The following GPR137C variants were observed in gnomAD, a reference collection of about 807,000 sequenced individuals.
GPR137C encodes integral membrane protein GPR137C.
GPR137C carries 27 observed loss-of-function variants against 43.4 expected under a neutral mutation model. The observed-to-expected ratio is 0.62, with a 90% CI of 0.46 to 0.86. The LOEUF (loss-of-function observed/expected upper bound fraction) is 0.86. Among genes scored for constraint, GPR137C ranks in the 40% least tolerant of loss-of-function variants. The probability of loss-of-function intolerance (pLI) is 0.00; values close to 1 mark genes in which losing one functional copy is unlikely to be tolerated. For synonymous variants in GPR137C, 285 were observed against 226.9 expected (o/e 1.26, Z -2.30); for missense variants, 522 against 534.6 (o/e 0.98, Z 0.23).
At chr14:52,614,312 G>A (rs1181128070) in intron 3 of GPR137C, among the ~76,000 whole-genome samples, 1 of 151,508 alleles carries the variant, frequency 6.6e-6, no homozygotes, top group Non-Finnish European at 1.5e-5. Context: ...GTAGAGATAG[G>A]GTTTCACCAT....
chr14:52,605,405 C>A (rs1015727532), intron 3 of GPR137C, among the ~76,000 whole-genome samples: 2 of 152,088 alleles, frequency 1.3e-5, no homozygotes, highest in Admixed American at 6.5e-5. Flanking sequence ...ATTTTGTATC[C>A]TTCAATTTTA....
intron 1 of GPR137C, among the ~76,000 whole-genome samples, chr14:52,568,416 T>G (rs1341739412): frequency 6.6e-6 from 1 of 152,156 alleles, no homozygotes; most frequent in East Asian, 1.9e-4. Flanking sequence ...GGAGTTTTTT[T>G]TTCATACCCC....
chr14:52,570,485 C>G (rs2038448639), intron 1 of GPR137C, among the ~76,000 whole-genome samples: 1 of 152,162 alleles, frequency 6.6e-6, no homozygotes, highest in African/African-American at 2.4e-5. Flanking sequence ...GGATCACATT[C>G]ACACATAGCA....
intron 3 of GPR137C, among the ~76,000 whole-genome samples, chr14:52,601,936 A>G (rs1403081444): frequency 1.3e-5 from 2 of 151,852 alleles, no homozygotes; most frequent in Non-Finnish European, 2.9e-5. Context: ...TTAGAACACC[A>G]TTCCCTTACT....
intron 3 of GPR137C, among the ~76,000 whole-genome samples, chr14:52,601,498 G>GTATA (rs1450171433): frequency 6.1e-4 from 90 of 148,298 alleles, no homozygotes; most frequent in African/African-American, 2.1e-3. Flanking sequence ...GTGTGTGTGT[G>GTATA]TATATATATA....
chr14:52,566,398 T>A (rs150998346), intron 1 of GPR137C, among the ~76,000 whole-genome samples: 1 of 152,236 alleles, frequency 6.6e-6, no homozygotes, highest in African/African-American at 2.4e-5. Flanking sequence ...CTAAGGAGAA[T>A]ATAAACTTTT....
At chr14:52,558,103 C>CAAAA (rs11462333) in intron 1 of GPR137C, among the ~76,000 whole-genome samples, 3 of 121,872 alleles carry the variant, frequency 2.5e-5, no homozygotes, top group East Asian at 4.6e-4. Flanking sequence ...CAGAAACTAC[C>CAAAA]AAAAAAAAAA....
At chr14:52,601,751 C>A (rs1442460407) in intron 3 of GPR137C, among the ~76,000 whole-genome samples, 2 of 151,798 alleles carry the variant, frequency 1.3e-5, no homozygotes, top group African/African-American at 4.8e-5. Flanking sequence ...AGAATTCATA[C>A]CTGTTGCTTG....
chr14:52,584,288 G>A (rs2038685038), intron 1 of GPR137C, among the ~76,000 whole-genome samples: 1 of 152,206 alleles, frequency 6.6e-6, no homozygotes, highest in South Asian at 2.1e-4. Flanking sequence ...TATGTGCTAA[G>A]CTGGATCATG....
At chr14:52,574,588 A>G (rs1227786379) in intron 1 of GPR137C, among the ~76,000 whole-genome samples, 1 of 152,174 alleles carries the variant, frequency 6.6e-6, no homozygotes, top group Non-Finnish European at 1.5e-5. Context: ...GCAGAGGGGT[A>G]GCATTAGGAG....
Position 52,637,292 on chromosome 14 carries a change from G to A in GPR137C, c.*2177G>A, listed in dbSNP as rs571874289. 5 of 152,220 alleles carry A rather than the reference G, an allele frequency of 3.3e-5. No individual in the cohort carries two copies. Among genetic ancestry groups the A allele is most frequent in the African/African-American group, 7.2e-5 (3 of 41,568 alleles). The allele number at this position is 152,220 out of a possible 1,614,324, so 9.4% of individuals were successfully genotyped here. On this transcript the variant is annotated 3_prime_UTR_variant, in exon 7 of 7. Transcript: ENST00000321662. ...CTAGGAGCACTTTAAGTTTGGTCTC[G>A]AAAGGAGTTGTTTATAAAATCAAAG...
At chr14:52,627,528 A>G (rs1293420032) in intron 3 of GPR137C, among the ~76,000 whole-genome samples, 5 of 152,126 alleles carry the variant, frequency 3.3e-5, no homozygotes, top group African/African-American at 9.7e-5. Context: ...AATTTGCACG[A>G]CAATGCAGAT....
chr14:52,598,753 A>G (rs1240672093), intron 2 of GPR137C, among the ~76,000 whole-genome samples: 3 of 152,200 alleles, frequency 2.0e-5, no homozygotes, highest in African/African-American at 7.2e-5. Flanking sequence ...CAATTTTCCC[A>G]CTAACTTGCT....
chr14:52,554,904 A>C (rs1264601628), intron 1 of GPR137C, among the ~76,000 whole-genome samples: 2 of 152,204 alleles, frequency 1.3e-5, no homozygotes, highest in African/African-American at 4.8e-5. Flanking sequence ...CCATCCTTTG[A>C]AAGTCCAAAC....
intron 1 of GPR137C, among the ~76,000 whole-genome samples, chr14:52,587,953 C>T (rs1566612463): frequency 6.6e-6 from 1 of 152,208 alleles, no homozygotes; most frequent in African/African-American, 2.4e-5. Flanking sequence ...GTTCCTCCAT[C>T]ATAATAATTT....
chr14:52,614,532 G>C (rs2039077094), intron 3 of GPR137C, among the ~76,000 whole-genome samples: 1 of 151,952 alleles, frequency 6.6e-6, no homozygotes, highest in African/African-American at 2.4e-5. Context: ...CTGTTGACTA[G>C]GCTAGAGTGC....
chr14:52,600,065 G>T, intron 2 of GPR137C, 48 bp from the exon 3 acceptor site: 1 of 1,243,810 alleles, frequency 8.0e-7, no homozygotes, highest in South Asian at 1.3e-5. Context: ...AATTAAATTT[G>T]ATTTCTTATT....
At chr14:52,631,386 T>C (rs1046163518) in intron 3 of GPR137C, among the ~76,000 whole-genome samples, 5 of 152,166 alleles carry the variant, frequency 3.3e-5, no homozygotes, top group Admixed American at 6.6e-5. Context: ...ACTGGGTGTT[T>C]CTGTGCAATG....
At chr14:52,610,276 C>G (rs1037774596) in intron 3 of GPR137C, among the ~76,000 whole-genome samples, 3 of 152,232 alleles carry the variant, frequency 2.0e-5, no homozygotes, top group East Asian at 3.9e-4. Flanking sequence ...GAAAGGAGCT[C>G]TCTTATTTGT....
Sources: gnomAD v4.1 joint callset for allele counts (sites outside exome capture counted in the v4.1 genomes callset) on GRCh38, gnomAD v4.1.1 for gene constraint, MANE v1.5 for transcripts, NCBI Gene and HGNC (gene_info 2026-07-23, HGNC 2026-07-21) for gene names.